TSNARE1: variants seen among roughly 807,000 people sequenced by gnomAD.
TSNARE1 encodes the protein t-SNARE domain-containing protein 1.
Under a neutral mutation model 62.0 loss-of-function variants are expected in TSNARE1, and 49 were observed. The observed-to-expected ratio is 0.79, with a 90% CI of 0.63 to 1.00. The LOEUF (loss-of-function observed/expected upper bound fraction) is 1.00. Among genes scored for constraint, TSNARE1 ranks in the 50% least tolerant of loss-of-function variants. TSNARE1 has a pLI of 0.00. For synonymous variants in TSNARE1, 328 were observed against 294.4 expected (o/e 1.11, Z -1.17); for missense variants, 755 against 700.1 (o/e 1.08, Z -0.88).
intron 13 of TSNARE1, among the ~76,000 whole-genome samples, chr8:142,223,095 C>A (rs1816519622): frequency 6.6e-6 from 1 of 150,504 alleles, no homozygotes; most frequent in African/African-American, 2.5e-5. Context: ...CTCATTCATC[C>A]ACTCATTCAC....
intron 2 of TSNARE1, 135 bp downstream of exon 2, chr8:142,354,502 C>T (rs1834532270): frequency 3.2e-6 from 2 of 631,388 alleles, no homozygotes; most frequent in South Asian, 2.0e-5. Flanking sequence ...GGAATCACAC[C>T]CCATCTCAGG....
At chr8:142,235,403 C>T (rs1379357352) in intron 12 of TSNARE1, among the ~76,000 whole-genome samples, 2 of 150,250 alleles carry the variant, frequency 1.3e-5, no homozygotes, top group Admixed American at 1.3e-4. Flanking sequence ...CCACCCCCAC[C>T]CCTACCCCCG....
intron 13 of TSNARE1, among the ~76,000 whole-genome samples, chr8:142,224,274 G>A (rs1180052900): frequency 2.0e-5 from 3 of 152,192 alleles, no homozygotes; most frequent in African/African-American, 4.8e-5. Context: ...CATCGAGTGC[G>A]GCAGGCGGGC....
chr8:142,327,318 C>A (rs1830410557), intron 6 of TSNARE1, among the ~76,000 whole-genome samples: 1 of 151,344 alleles, frequency 6.6e-6, no homozygotes, highest in South Asian at 2.1e-4. Context: ...AGAGAGGGGG[C>A]GGTTCTATAT....
At chr8:142,353,776 GC>G (rs1834416241) in intron 2 of TSNARE1, among the ~76,000 whole-genome samples, 2 of 152,214 alleles carry the variant, frequency 1.3e-5, no homozygotes, top group South Asian at 4.1e-4. Flanking sequence ...GCAGAGAAGG[GC>G]CCCAGGGTGA....
At chr8:142,314,201 T>C (rs959223654) in intron 9 of TSNARE1, among the ~76,000 whole-genome samples, 183 bp downstream of exon 9, 8 of 152,234 alleles carry the variant, frequency 5.3e-5, no homozygotes, top group African/African-American at 1.9e-4. Context: ...GCTGAGCCCT[T>C]GTCAGGCACT....
chr8:142,229,653 C>T, intron 12 of TSNARE1, 74 bp from the exon 13 acceptor site: 1 of 1,437,118 alleles, frequency 7.0e-7, no homozygotes, highest in Non-Finnish European at 9.7e-7. Flanking sequence ...TTGGCTTGTG[C>T]ATACTTTGGG....
chr8:142,252,702 G>A (rs1314892838), intron 12 of TSNARE1, among the ~76,000 whole-genome samples: 1 of 152,218 alleles, frequency 6.6e-6, no homozygotes, highest in Admixed American at 6.5e-5. Context: ...AGCACTGCGA[G>A]GGCCGTTGTT....
chr8:142,279,184 G>A (rs1190254733), intron 11 of TSNARE1, among the ~76,000 whole-genome samples: 1 of 152,256 alleles, frequency 6.6e-6, no homozygotes, highest in African/African-American at 2.4e-5. Context: ...ACTTCTCCCT[G>A]CTGGGACCCA....
intron 9 of TSNARE1, among the ~76,000 whole-genome samples, chr8:142,305,307 T>C (rs1716964244): frequency 7.4e-6 from 1 of 135,644 alleles, no homozygotes; most frequent in South Asian, 2.5e-4. Flanking sequence ...ACCTCCTGCA[T>C]GTGGAGAAGG....
intron 10 of TSNARE1, among the ~76,000 whole-genome samples, chr8:142,299,949 A>G (rs1192887926): frequency 6.6e-6 from 1 of 152,282 alleles, no homozygotes; most frequent in Non-Finnish European, 1.5e-5. Flanking sequence ...TAAGTATTAT[A>G]CATGTGTAAA....
intron 1 of TSNARE1, among the ~76,000 whole-genome samples, chr8:142,396,967 G>A (rs150211545): frequency 3.0e-4 from 46 of 152,256 alleles, no homozygotes; most frequent in African/African-American, 9.9e-4. Context: ...GAGGCAGCCC[G>A]AGGGTCTCAC....
In TSNARE1 at chr8:142,303,202, T is replaced by C. The variant is rs143655310; in HGVS notation, c.1132-2558A>G. The stretch of plus-strand genomic sequence containing the variant: ...TCCCAAACTGAAAGCTGCCTCACCA[T>C]GCCATGTAGCTCAGGGTGGGCACGT... On this transcript the variant is annotated intron_variant, in intron 9 of 13. Coordinates refer to ENST00000524325, the MANE Select transcript of TSNARE1 (RefSeq NM_145003.5). Among the ~76,000 whole-genome samples the C allele has an allele frequency of 4.3e-3, 658 of 152,296 alleles. 1 individual carries two copies. The highest frequency in any genetic ancestry group is 0.01 in the Middle Eastern group (3 of 294).
intron 12 of TSNARE1, chr8:142,270,479 G>A (rs928560957): frequency 3.9e-5 from 33 of 855,304 alleles, no homozygotes; most frequent in Non-Finnish European, 4.3e-5. Context: ...GTAATATATA[G>A]GCATATATAT....
chr8:142,289,925 G>C (rs1823467676), intron 10 of TSNARE1, among the ~76,000 whole-genome samples: 1 of 152,154 alleles, frequency 6.6e-6, no homozygotes, highest in Non-Finnish European at 1.5e-5. Flanking sequence ...AGATCCCAAG[G>C]ATGGGCCCAG....
At chr8:142,295,916 G>C (rs1824598421) in intron 10 of TSNARE1, among the ~76,000 whole-genome samples, 1 of 149,466 alleles carries the variant, frequency 6.7e-6, no homozygotes, top group Non-Finnish European at 1.5e-5. Flanking sequence ...CGTCCATCCT[G>C]GGTGCCGGCA....
chr8:142,276,866 A>G (rs908913064), intron 11 of TSNARE1: 57 of 985,166 alleles, frequency 5.8e-5, no homozygotes, highest in Non-Finnish European at 6.3e-5. Flanking sequence ...CATTCAAGAC[A>G]CCTCACACAA....
intron 1 of TSNARE1, among the ~76,000 whole-genome samples, chr8:142,381,782 C>A (rs376650259): frequency 6.6e-6 from 1 of 152,204 alleles, no homozygotes; most frequent in African/African-American, 2.4e-5. Flanking sequence ...CGTCACCTCC[C>A]CGCAGCTCGG....
At chr8:142,329,730 A>G (rs775469928) in intron 6 of TSNARE1, among the ~76,000 whole-genome samples, 19 of 152,210 alleles carry the variant, frequency 1.2e-4, no homozygotes, top group Non-Finnish European at 2.4e-4. Flanking sequence ...TGGAGGGAAC[A>G]CCGACATGCT....
Sources: allele counts gnomAD v4.1 joint callset (sites outside exome capture counted in the v4.1 genomes callset), GRCh38; gene constraint gnomAD v4.1.1; transcripts MANE v1.5; gene names NCBI Gene and HGNC (gene_info 2026-07-23, HGNC 2026-07-21).